The following THAP3 variants were observed in gnomAD, a reference collection of about 807,000 sequenced individuals.
THAP3 encodes THAP domain containing 3.
In THAP3, 12 loss-of-function variants were observed where a neutral mutation model predicts 17.7. The ratio of observed to expected loss-of-function variants is 0.68; its 90% confidence interval spans 0.43 to 1.10. THAP3 has a LOEUF of 1.10. THAP3 is among the 50% of genes least tolerant of loss of function. The pLI, the probability that THAP3 is intolerant of heterozygous loss-of-function variation, is 0.00. For synonymous variants in THAP3, 133 were observed against 126.9 expected (o/e 1.05, Z -0.32); for missense variants, 289 against 318.0 (o/e 0.91, Z 0.69).
At chr1:6,625,104 A>G in intron 1 of THAP3, 46 bp from the exon 2 acceptor site, 2 of 1,223,422 alleles carry the variant, frequency 1.6e-6, no homozygotes, top group Non-Finnish European at 2.2e-6. Context: ...CCTGGAGGCG[A>G]GCCAGGCCCG....
At chr1:6,634,005 C>G (rs778930893), downstream of THAP3, 4 of 1,611,336 alleles carry the variant, frequency 2.5e-6, no homozygotes, top group East Asian at 8.9e-5. Context: ...AACTTGGGGT[C>G]TATTTATTTC....
At position 6,630,346 on chromosome 1, in the gene THAP3, A is replaced by G; in HGVS notation, c.326A>G (p.Lys109Arg). 3 of 1,614,092 alleles carry G rather than the reference A, an allele frequency of 1.9e-6. No homozygotes were observed. Among genetic ancestry groups the G allele is most frequent in the Non-Finnish European group, 2.5e-6 (3 of 1,179,998 alleles). Residue 109 changes from lysine to arginine, a missense_variant, in exon 4 of 6, where the codon AAA becomes AGA. By Grantham distance (26) the Lys-to-Arg change is conservative. Coordinates refer to ENST00000054650, the MANE Select transcript of THAP3 (RefSeq NM_001195753.2). The part of the protein sequence containing the change: ...SERGNASSSQ[K>R]EKVLPEAGAG... ...AGAGGAAATGCCAGCTCTTCTCAGA[A>G]AGAAAAGGTGAGTGCACCGGGCCAG...
chr1:6,630,229 C>G (rs1641571146), intron 3 of THAP3, 59 bp from the exon 4 acceptor site: 3 of 1,498,840 alleles, frequency 2.0e-6, no homozygotes, highest in Non-Finnish European at 2.8e-6. Context: ...TGCCCGAGGC[C>G]TGCCCCGAGC....
Position 6,628,603 on chromosome 1 carries a change from G to A in THAP3, c.179G>A (p.Arg60Gln), listed in dbSNP as rs1369644723. 6 of 1,613,684 alleles carry A rather than the reference G, an allele frequency of 3.7e-6. No homozygotes were observed. The highest frequency in any genetic ancestry group is 1.3e-5 in the African/African-American group (1 of 74,908). ...QHTVICSEHF[R>Q]PECFSAFGNR... ...ACGGTCATCTGCTCCGAGCACTTCCGGCCAGAGTGCTTCAGCGCCTTTGGA... is the reference window on the plus strand; with the variant it reads ...ACGGTCATCTGCTCCGAGCACTTCCAGCCAGAGTGCTTCAGCGCCTTTGGA... Residue 60 changes from arginine (R) to glutamine (Q), a missense_variant, in exon 3 of 6, where the codon CGG becomes CAG. Arg to Gln is a conservative substitution (Grantham distance 43). Transcript: ENST00000054650.
intron 4 of THAP3, 81 bp downstream of exon 4, chr1:6,630,434 C>T: frequency 1.4e-6 from 2 of 1,461,224 alleles, no homozygotes; most frequent in Non-Finnish European, 1.9e-6. Context: ...CCCAGCAAGG[C>T]CGGCCCGCAG....
intron 4 of THAP3, 84 bp from the exon 5 acceptor site, chr1:6,632,307 A>G (rs1213447548): frequency 1.9e-6 from 3 of 1,560,264 alleles, no homozygotes; most frequent in African/African-American, 1.4e-5. Flanking sequence ...GGCTGTTGCC[A>G]CTCCCCTAGA....
At chr1:6,634,093 TG>T, downstream of THAP3, 13 of 1,613,184 alleles carry the variant, frequency 8.1e-6, no homozygotes, top group Non-Finnish European at 1.0e-5. Context: ...GAGTGAAGGA[TG>T]GGGAGGAGGC....
chr1:6,634,935 G>T (rs1570256185), downstream of THAP3: 1 of 1,101,648 alleles, frequency 9.1e-7, no homozygotes. Flanking sequence ...AGGGACACAG[G>T]CCAGCTCAAG....
intron 4 of THAP3, 122 bp from the exon 5 acceptor site, chr1:6,632,269 A>G: frequency 7.6e-7 from 1 of 1,323,218 alleles, no homozygotes. Context: ...CTGGCTGTGG[A>G]GGGGCACAGA....
chr1:6,634,122 C>T, downstream of THAP3: 2 of 1,587,728 alleles, frequency 1.3e-6, no homozygotes, highest in Non-Finnish European at 1.7e-6. Flanking sequence ...GAAGGGGTTC[C>T]CTCCCTCCTG....
Position 6,632,848 on chromosome 1 carries a change from C to G in THAP3, c.491C>G (p.Pro164Arg). 1 of 1,612,964 alleles carries G rather than the reference C, an allele frequency of 6.2e-7. No individual in the cohort carries two copies. The highest frequency in any genetic ancestry group is 8.5e-7 in the Non-Finnish European group (1 of 1,179,904). ...GAGGCTGTTGGCCGGCCGACTGGCC[C>G]TGCAGGCCTGAGAAGGACCCCCAAC... ...ATEAVGRPTG[P>R]AGLRRTPNKQ... The change falls in exon 6 of 6, where the codon CCT becomes CGT. Residue 164 changes from proline (P) to arginine (R), a missense_variant. Coordinates refer to ENST00000054650, the MANE Select transcript of THAP3 (RefSeq NM_001195753.2).
chr1:6,626,210 T>C (rs545528942), intron 2 of THAP3, among the ~76,000 whole-genome samples: 110 of 152,158 alleles, frequency 7.2e-4, no homozygotes, highest in African/African-American at 2.6e-3. Flanking sequence ...CTCGGGAGAC[T>C]GAAGTAGGAG....
downstream of THAP3, chr1:6,634,190 TGTG>T (rs1430874473): frequency 5.3e-6 from 6 of 1,129,012 alleles, no homozygotes; most frequent in African/African-American, 1.5e-5. Context: ...AAAGGTTTAT[TGTG>T]GTGAGTGCCT....
At position 6,628,618 on chromosome 1, in the gene THAP3, G is replaced by A. The variant is rs1402625885; in HGVS notation, c.194G>A (p.Ser65Asn). Reference sequence around the variant, plus strand: ...GAGCACTTCCGGCCAGAGTGCTTCAGCGCCTTTGGAAACCGCAAGAACCTA... The same window carrying A: ...GAGCACTTCCGGCCAGAGTGCTTCAACGCCTTTGGAAACCGCAAGAACCTA... ...CSEHFRPECF[S>N]AFGNRKNLKH... is the part of the protein sequence containing the mutation. The change falls in exon 3 of 6, where the codon AGC becomes AAC. Residue 65 changes from serine (S) to asparagine (N), a missense_variant. Transcript: ENST00000054650. 6.2e-7 allele frequency: 1 copy of A among 1,613,870 alleles called. No homozygotes were observed.
intron 4 of THAP3, among the ~76,000 whole-genome samples, 157 bp downstream of exon 4, chr1:6,630,510 C>G (rs1046489757): frequency 1.1e-4 from 16 of 152,346 alleles, no homozygotes; most frequent in South Asian, 4.1e-4. Flanking sequence ...GCCCAAGCCT[C>G]TCAGCTTCCT....
chr1:6,634,147 A>C, downstream of THAP3: 3 of 1,468,272 alleles, frequency 2.0e-6, no homozygotes, highest in African/African-American at 1.4e-5. Flanking sequence ...TGAACACACA[A>C]TACACGGAAG....
At chr1:6,634,393 C>A, downstream of THAP3, 1 of 1,217,818 alleles carries the variant, frequency 8.2e-7, no homozygotes, top group Non-Finnish European at 1.1e-6. Context: ...ACCCGAACTG[C>A]TTTTCAAAAC....
At position 6,633,052 on chromosome 1, in the gene THAP3, G is replaced by C. The variant is rs746083160; in HGVS notation, c.695G>C (p.Arg232Thr). The C allele has an allele frequency of 1.1e-5, 18 of 1,606,432 alleles. No individual in the cohort carries two copies. Among genetic ancestry groups the C allele is most frequent in the Non-Finnish European group, 1.5e-5 (18 of 1,177,344 alleles). Reference sequence around the variant, plus strand: ...AAAGGGCACCAGGGACTCCAGGCCAGACTTGGGCCAGAGCAGCAGAGCTGA... The same window carrying C: ...AAAGGGCACCAGGGACTCCAGGCCACACTTGGGCCAGAGCAGCAGAGCTGA... ...ACKGHQGLQA[R>T]LGPEQQS Residue 232 changes from arginine to threonine, a missense_variant, in exon 6 of 6, where the codon AGA becomes ACA. Physicochemically the swap from Arg to Thr is moderately conservative, Grantham distance 71 (BLOSUM62 -1). Coordinates refer to ENST00000054650, the MANE Select transcript of THAP3 (RefSeq NM_001195753.2).
chr1:6,633,966 T>TA (rs1018038514), downstream of THAP3: 2 of 1,530,466 alleles, frequency 1.3e-6, no homozygotes, highest in Admixed American at 3.8e-5. Context: ...TTTAGTGAAT[T>TA]AAAGAAAAAA....
Sources: allele counts gnomAD v4.1 joint callset (sites outside exome capture counted in the v4.1 genomes callset), GRCh38; gene constraint gnomAD v4.1.1; transcripts MANE v1.5; gene names NCBI Gene and HGNC (gene_info 2026-07-23, HGNC 2026-07-21).